NUGGC: variants seen among roughly 807,000 people sequenced by gnomAD.
NUGGC encodes the protein nuclear GTPase SLIP-GC.
A neutral mutation model predicts 92.6 loss-of-function variants in NUGGC; 58 were observed. The observed-to-expected ratio is 0.63, with a 90% CI of 0.51 to 0.78. NUGGC has a LOEUF of 0.78. Ranked by LOEUF, NUGGC falls within the 30% of genes least tolerant of loss-of-function variation. NUGGC has a pLI of 0.00. For synonymous variants in NUGGC, 376 were observed against 366.4 expected (o/e 1.03, Z -0.30); for missense variants, 925 against 964.6 (o/e 0.96, Z 0.54).
chr8:28,068,231 G>T lies in NUGGC; in HGVS notation c.465C>A (p.His155Gln). ...GCCVQYEAKIHLLSDQEWREE... is the reference protein window; with the variant it reads ...GCCVQYEAKIQLLSDQEWREE... ...GAACACTTACCTGGTCAGACAGAAGGTGGATTTTGGCCTCATACTGCACAC... is the reference window on the plus strand; with the variant it reads ...GAACACTTACCTGGTCAGACAGAAGTTGGATTTTGGCCTCATACTGCACAC... The change falls in exon 5 of 19, where the codon CAC becomes CAA. Residue 155 changes from histidine (H) to glutamine (Q), a missense_variant. His to Gln is a conservative substitution (Grantham distance 24). Transcript: ENST00000413272. 6.5e-7 allele frequency: 1 copy of T among 1,548,200 alleles called. No individual in the cohort carries two copies.
intron 1 of NUGGC, among the ~76,000 whole-genome samples, chr8:28,082,738 T>G (rs1810881602): frequency 6.6e-6 from 1 of 152,040 alleles, no homozygotes; most frequent in Non-Finnish European, 1.5e-5. Context: ...GACCCTCATC[T>G]CTACAATTTT....
intron 11 of NUGGC, among the ~76,000 whole-genome samples, chr8:28,047,162 G>A (rs1205829278): frequency 6.6e-6 from 1 of 152,024 alleles, no homozygotes; most frequent in East Asian, 1.9e-4. Flanking sequence ...TAGAGATGGG[G>A]TTTCACCATG....
At chr8:28,081,319 AAAAAAAT>A (rs1485891348) in intron 1 of NUGGC, among the ~76,000 whole-genome samples, 1 of 146,726 alleles carries the variant, frequency 6.8e-6, no homozygotes, top group African/African-American at 2.4e-5. Flanking sequence ...ACTCCACGTC[AAAAAAAT>A]AAAAAATAAA....
chr8:28,075,952 G>A (rs1810711194), intron 1 of NUGGC, among the ~76,000 whole-genome samples: 2 of 152,130 alleles, frequency 1.3e-5, no homozygotes, highest in Non-Finnish European at 2.9e-5. Flanking sequence ...TAGCACATGT[G>A]GGGTGCCCTT....
At chr8:28,044,428 G>A (rs1371371391) in intron 12 of NUGGC, among the ~76,000 whole-genome samples, 1 of 152,178 alleles carries the variant, frequency 6.6e-6, no homozygotes, top group Non-Finnish European at 1.5e-5. Flanking sequence ...GAGTGGAAAA[G>A]CTTCATGGTG....
intron 7 of NUGGC, 88 bp from the exon 8 acceptor site, chr8:28,060,689 TC>T (rs1810282051): frequency 4.3e-6 from 5 of 1,164,952 alleles, no homozygotes; most frequent in African/African-American, 1.5e-5. Context: ...CTTAAGCCTC[TC>T]CCTCCAGTCC....
chr8:28,029,762 A>G (rs567384309), intron 16 of NUGGC, among the ~76,000 whole-genome samples: 3 of 152,102 alleles, frequency 2.0e-5, no homozygotes, highest in Non-Finnish European at 4.4e-5. Context: ...AAAAACAAAC[A>G]AAAAAAGAAA....
chr8:28,033,908 T>C (rs1188081791), intron 13 of NUGGC, among the ~76,000 whole-genome samples: 1 of 152,190 alleles, frequency 6.6e-6, no homozygotes, highest in Non-Finnish European at 1.5e-5. Flanking sequence ...CTTCCTAAAG[T>C]CCCTGTGCTC....
chr8:28,027,391 G>A (rs913691314), intron 17 of NUGGC, among the ~76,000 whole-genome samples: 1 of 152,128 alleles, frequency 6.6e-6, no homozygotes, highest in Non-Finnish European at 1.5e-5. Context: ...TCACAGAGAT[G>A]GAAAAAGAGG....
chr8:28,081,398 T>C (rs1428807993), intron 1 of NUGGC, among the ~76,000 whole-genome samples: 1 of 152,228 alleles, frequency 6.6e-6, no homozygotes, highest in Non-Finnish European at 1.5e-5. Flanking sequence ...CAGGCACTTA[T>C]GCATCTGTAC....
chr8:28,029,487 A>G (rs1452605412), intron 16 of NUGGC, 85 bp from the exon 17 acceptor site: 2 of 1,482,590 alleles, frequency 1.3e-6, no homozygotes, highest in Non-Finnish European at 1.8e-6. Flanking sequence ...GGTGGCTCAC[A>G]CCTGTAATCC....
At position 28,050,283 on chromosome 8, in the gene NUGGC, G is replaced by C. The variant is rs375456191; in HGVS notation, c.1207-2671C>G. Among the ~76,000 whole-genome samples, 8 of 152,118 alleles carry C rather than the reference G, an allele frequency of 5.3e-5. 1 individual carries two copies. In the East Asian group the frequency reaches 1.6e-3, roughly 30 times the overall value. ...GCCTGTAATCCCAGCTACTCGGGAG[G>C]CTGAGGCAGGAGAATCGCTTGAACC... On this transcript the variant is annotated intron_variant, in intron 10 of 18. Transcript: ENST00000413272.
intron 10 of NUGGC, among the ~76,000 whole-genome samples, chr8:28,048,591 C>T (rs532529387): frequency 2.0e-5 from 3 of 151,956 alleles, no homozygotes; most frequent in African/African-American, 4.8e-5. Flanking sequence ...AGTCTGGGTG[C>T]GGTGGTTCAC....
chr8:28,038,995 C>T (rs192272750), intron 13 of NUGGC, among the ~76,000 whole-genome samples: 121 of 152,248 alleles, frequency 7.9e-4, no homozygotes, highest in Non-Finnish European at 1.3e-3. Flanking sequence ...ACTGAATGCA[C>T]GCATGCGTAC....
intron 10 of NUGGC, among the ~76,000 whole-genome samples, chr8:28,051,784 T>A (rs989247777): frequency 6.6e-6 from 1 of 152,124 alleles, no homozygotes; most frequent in Non-Finnish European, 1.5e-5. Flanking sequence ...TAGCTGGGCC[T>A]GGTGGCCCAT....
chr8:28,068,580 G>A, intron 4 of NUGGC, 142 bp from the exon 5 acceptor site: 1 of 622,928 alleles, frequency 1.6e-6, no homozygotes, highest in Non-Finnish European at 2.9e-6. Flanking sequence ...TGTCAAAGGA[G>A]AATATCAATC....
intron 6 of NUGGC, among the ~76,000 whole-genome samples, chr8:28,065,603 C>A (rs1044078101): frequency 1.3e-5 from 2 of 152,146 alleles, no homozygotes; most frequent in Admixed American, 1.3e-4. Context: ...TTAAACATGT[C>A]TCGGGACAAT....
Position 28,056,060 on chromosome 8 carries a change from T to C in NUGGC, c.1117-6A>G. ...CGCTGACTCTGAATAGCTTGCTAGG[T>C]TGTGAAAGGAAATAGAAGCATGCAG... On this transcript the variant is annotated splice_region_variant and splice_polypyrimidine_tract_variant and intron_variant, in intron 9 of 18. Coordinates refer to ENST00000413272, the MANE Select transcript of NUGGC (RefSeq NM_001010906.2). 1 of 1,524,160 alleles carries C rather than the reference T, an allele frequency of 6.6e-7. No homozygotes were observed. Among genetic ancestry groups the C allele is most frequent in the Non-Finnish European group, 8.9e-7 (1 of 1,118,292 alleles). 94.4% of individuals were successfully genotyped at this position (1,524,160 alleles called of 1,614,324 possible). A position where few individuals can be genotyped will look rare whatever the true frequency, so the allele number is the denominator to read the frequency against.
chr8:28,042,895 A>T (rs1481046244), intron 12 of NUGGC, among the ~76,000 whole-genome samples: 1 of 152,258 alleles, frequency 6.6e-6, no homozygotes, highest in Non-Finnish European at 1.5e-5. Flanking sequence ...CAACGGTATC[A>T]TCTTTAAGTG....
Sources: allele counts gnomAD v4.1 joint callset (sites outside exome capture counted in the v4.1 genomes callset), GRCh38; gene constraint gnomAD v4.1.1; transcripts MANE v1.5; gene names NCBI Gene and HGNC (gene_info 2026-07-23, HGNC 2026-07-21).